LRP1B: variants seen among roughly 807,000 people sequenced by gnomAD.
LRP1B encodes low-density lipoprotein receptor-related protein 1B.
Under a neutral mutation model 556.6 loss-of-function variants are expected in LRP1B, and 217 were observed. The ratio of observed to expected loss-of-function variants is 0.39; its 90% CI spans 0.35 to 0.44. The LOEUF is 0.44. Ranked by LOEUF, LRP1B falls within the 20% of genes least tolerant of loss-of-function variation. LRP1B has a pLI of 1.00. For synonymous variants in LRP1B, 2,047 were observed against 1,865.8 expected (o/e 1.10, Z -2.50); for missense variants, 5,053 against 5,620.8 (o/e 0.90, Z 3.23).
chr2:141,719,168 T>C (rs180980984), intron 2 of LRP1B, among the ~76,000 whole-genome samples: 2 of 152,276 alleles, frequency 1.3e-5, no homozygotes, highest in African/African-American at 2.4e-5. Context: ...TTAAATCTAG[T>C]GATACAAGGT....
chr2:141,255,759 T>G (rs1684438039), intron 3 of LRP1B, among the ~76,000 whole-genome samples: 1 of 151,814 alleles, frequency 6.6e-6, no homozygotes, highest in Admixed American at 6.6e-5. Flanking sequence ...TATCCACATC[T>G]GCGTATACTG....
At chr2:141,481,976 C>T (rs1263346223) in intron 2 of LRP1B, among the ~76,000 whole-genome samples, 4 of 152,090 alleles carry the variant, frequency 2.6e-5, no homozygotes, top group African/African-American at 9.7e-5. Context: ...AAACCCCTTT[C>T]CTCCTCCTGA....
intron 41 of LRP1B, among the ~76,000 whole-genome samples, chr2:140,644,028 C>G (rs1156763912): frequency 6.6e-6 from 1 of 152,192 alleles, no homozygotes; most frequent in African/African-American, 2.4e-5. Context: ...GCAACTTTTT[C>G]TCGTTACTCT....
At chr2:141,318,079 T>C (rs1687095434) in intron 3 of LRP1B, among the ~76,000 whole-genome samples, 1 of 152,186 alleles carries the variant, frequency 6.6e-6, no homozygotes, top group East Asian at 1.9e-4. Context: ...TTCTGATGTC[T>C]TGTAAATGGA....
intron 7 of LRP1B, among the ~76,000 whole-genome samples, chr2:141,119,331 C>T (rs1044527764): frequency 1.3e-5 from 2 of 151,912 alleles, no homozygotes; most frequent in Non-Finnish European, 2.9e-5. Flanking sequence ...TACTGTATAA[C>T]ATTTTCCCTC....
intron 32 of LRP1B, among the ~76,000 whole-genome samples, chr2:140,801,287 G>A (rs1195437118): frequency 6.6e-6 from 1 of 152,116 alleles, no homozygotes; most frequent in Non-Finnish European, 1.5e-5. Flanking sequence ...ATCACACTGG[G>A]GTAAGCAGAC....
chr2:140,294,124 TA>T (rs1003836512), intron 84 of LRP1B, among the ~76,000 whole-genome samples: 1 of 152,184 alleles, frequency 6.6e-6, no homozygotes, highest in Non-Finnish European at 1.5e-5. Context: ...AAACTTAGTT[TA>T]AAAAATTAAT....
Position 141,634,552 on chromosome 2 carries a change from T to C in LRP1B, c.206-154019A>G, listed in dbSNP as rs12622542. Among the ~76,000 whole-genome samples, 280 of 152,120 alleles carry C rather than the reference T, an allele frequency of 1.8e-3. 13 individuals carry two copies. The East Asian group carries it at 0.052, about 28-fold the overall frequency. On this transcript the variant is annotated intron_variant, in intron 2 of 90. Transcript: ENST00000389484. ...AAGACTTCTTAATCTTAATCTATTG[T>C]TCTACCCACATATTTCAATGCTTCT...
At chr2:142,125,423 T>G (rs1707606471) in intron 1 of LRP1B, among the ~76,000 whole-genome samples, 1 of 151,732 alleles carries the variant, frequency 6.6e-6, no homozygotes, top group African/African-American at 2.4e-5. Flanking sequence ...AGTATAATAC[T>G]TTTCAAAATT....
chr2:141,029,336 G>T (rs1425359297), intron 11 of LRP1B, among the ~76,000 whole-genome samples: 1 of 152,106 alleles, frequency 6.6e-6, no homozygotes, highest in East Asian at 1.9e-4. Flanking sequence ...ATTTTCAAGG[G>T]TTTATTTATG....
intron 3 of LRP1B, among the ~76,000 whole-genome samples, chr2:141,459,118 C>T (rs899121337): frequency 6.6e-6 from 1 of 152,106 alleles, no homozygotes; most frequent in African/African-American, 2.4e-5. Flanking sequence ...ATGTTCAATA[C>T]TTACCTAGCT....
intron 35 of LRP1B, among the ~76,000 whole-genome samples, chr2:140,752,234 AAAAC>A (rs778025066): frequency 2.6e-5 from 4 of 152,138 alleles, no homozygotes; most frequent in Admixed American, 6.5e-5. Context: ...GAATTACTTG[AAAAC>A]AAACAAACAA....
intron 2 of LRP1B, among the ~76,000 whole-genome samples, chr2:141,801,467 G>A (rs948483860): frequency 6.6e-6 from 1 of 151,936 alleles, no homozygotes; most frequent in African/African-American, 2.4e-5. Context: ...TTTTTGTGTT[G>A]TAACGAGATA....
chr2:140,363,324 C>T (rs1308394488), intron 72 of LRP1B, among the ~76,000 whole-genome samples: 2 of 151,546 alleles, frequency 1.3e-5, no homozygotes, highest in East Asian at 3.9e-4. Flanking sequence ...GGTTTCCCAT[C>T]TGTGCTGTGT....
intron 3 of LRP1B, among the ~76,000 whole-genome samples, chr2:141,432,767 T>C (rs937894675): frequency 3.3e-5 from 5 of 152,036 alleles, no homozygotes; most frequent in African/African-American, 1.2e-4. Context: ...TCCTTTACTC[T>C]TGATTTTAGT....
intron 20 of LRP1B, among the ~76,000 whole-genome samples, chr2:140,944,058 A>G (rs781065461): frequency 8.5e-5 from 13 of 152,128 alleles, no homozygotes; most frequent in Admixed American, 5.2e-4. Flanking sequence ...GAAGATCCAA[A>G]TAAGCACAAC....
intron 2 of LRP1B, among the ~76,000 whole-genome samples, chr2:141,567,253 C>T: frequency 6.6e-6 from 1 of 151,422 alleles, no homozygotes; most frequent in Non-Finnish European, 1.5e-5. Flanking sequence ...AAATTGCGAT[C>T]ATTTTTTTTT....
At chr2:141,700,697 CT>C in intron 2 of LRP1B, among the ~76,000 whole-genome samples, 1 of 151,814 alleles carries the variant, frequency 6.6e-6, no homozygotes, top group African/African-American at 2.4e-5. Flanking sequence ...ACCAGAATCC[CT>C]TTTCCCAAAA....
intron 43 of LRP1B, among the ~76,000 whole-genome samples, chr2:140,558,463 A>T (rs187043657): frequency 4.6e-5 from 7 of 152,326 alleles, no homozygotes; most frequent in Non-Finnish European, 7.4e-5. Flanking sequence ...ATGAACCATG[A>T]AAATATTATT....
Sources: allele counts gnomAD v4.1 joint callset (sites outside exome capture counted in the v4.1 genomes callset), GRCh38; gene constraint gnomAD v4.1.1; transcripts MANE v1.5; gene names NCBI Gene and HGNC (gene_info 2026-07-23, HGNC 2026-07-21).